Variants in ABLIM2 observed in about 807,000 individuals in gnomAD.
ABLIM2 encodes the protein actin-binding LIM protein 2.
Under a neutral mutation model 97.7 loss-of-function variants are expected in ABLIM2, and 53 were observed. That is an observed-to-expected ratio of 0.54 (90% confidence interval 0.44 to 0.68). The LOEUF is 0.68. ABLIM2 is among the 30% of genes least tolerant of loss of function. ABLIM2 has a pLI of 0.00. For missense variants in ABLIM2, 835 were observed against 867.2 expected (o/e 0.96, Z 0.47); for synonymous variants, 361 against 345.8 (o/e 1.04, Z -0.49).
chr4:7,988,111 TC>T (rs540951472), intron 17 of ABLIM2, among the ~76,000 whole-genome samples: 75 of 152,120 alleles, frequency 4.9e-4, no homozygotes, highest in African/African-American at 1.7e-3. Context: ...GCAACCTCCG[TC>T]CCTGGGTTCA....
rs1180853936 is a variant in ABLIM2 at position 8,120,991 on chromosome 4, T to C, written c.11-14354A>G. On this transcript the variant is annotated intron_variant, in intron 1 of 20. Transcript: ENST00000447017. The surrounding 1 kb of genome is among the most constrained non-coding windows in gnomAD (Gnocchi z 5.6). ...GTTTCTACTGAATGCATATTGTTTT[T>C]GCAACATTATAAAATCAAAAAACGA... Among the ~76,000 whole-genome samples the C allele has an allele frequency of 6.6e-6, 1 of 152,236 alleles. No homozygotes were observed. Among genetic ancestry groups the C allele is most frequent in the African/African-American group, 2.4e-5 (1 of 41,464 alleles).
At chr4:8,100,730 G>T (rs1236222862) in intron 2 of ABLIM2, among the ~76,000 whole-genome samples, 3 of 85,112 alleles carry the variant, frequency 3.5e-5, no homozygotes, top group African/African-American at 4.8e-5. Flanking sequence ...TGGGCAACAA[G>T]AATGAAACTC....
rs952076937 is a variant in ABLIM2 at position 8,112,915 on chromosome 4, C to T, written c.11-6278G>A. On this transcript the variant is annotated intron_variant, in intron 1 of 20. Coordinates refer to ENST00000447017, the MANE Select transcript of ABLIM2 (RefSeq NM_001130083.2). The surrounding 1 kb of genome is among the most constrained non-coding windows in gnomAD (Gnocchi z 4.2). ...TGTTCAACAGACACGGGAGCAGACG[C>T]ACTGTCAGGTACTGGGGAGAGAGGT... 3.9e-5 allele frequency among the ~76,000 whole-genome samples: 6 copies of T among 152,178 alleles called. No individual in the cohort carries two copies. Among genetic ancestry groups the T allele is most frequent in the African/African-American group, 1.4e-4 (6 of 41,442 alleles).
At chr4:8,057,116 T>A (rs1425657551) in intron 7 of ABLIM2, among the ~76,000 whole-genome samples, 4 of 136,736 alleles carry the variant, frequency 2.9e-5, no homozygotes, top group South Asian at 2.4e-4. Context: ...TTTTTTTTTT[T>A]AAGACAAAGT....
chr4:7,990,209 A>G (rs1276589372), intron 17 of ABLIM2, among the ~76,000 whole-genome samples: 1 of 152,008 alleles, frequency 6.6e-6, no homozygotes, highest in Non-Finnish European at 1.5e-5. Context: ...TGTAATATAT[A>G]TATTTTTTGA....
At position 8,059,440 on chromosome 4, in the gene ABLIM2, G is replaced by A. The variant is rs1041161986; in HGVS notation, c.763+1527C>T. On this transcript the variant is annotated intron_variant, in intron 7 of 20. Coordinates refer to ENST00000447017, the MANE Select transcript of ABLIM2 (RefSeq NM_001130083.2). ...CTCTCTGCACCAGGAAGATGAGGAT[G>A]ACCGGAAGTCCCTGGGTCTCTTCTC... is the stretch of plus-strand genomic sequence containing the variant. Among the ~76,000 whole-genome samples the A allele has an allele frequency of 2.0e-5, 3 of 152,090 alleles. No homozygotes were observed. The South Asian group carries it at 6.2e-4, about 32-fold the overall frequency.
intron 9 of ABLIM2, 81 bp downstream of exon 9, chr4:8,045,083 G>C: frequency 8.0e-7 from 1 of 1,245,508 alleles, no homozygotes; most frequent in South Asian, 1.2e-5. Context: ...CTCTCTTAGG[G>C]GTGGGCTTAG....
intron 15 of ABLIM2, among the ~76,000 whole-genome samples, chr4:8,008,798 C>T (rs746961268): frequency 1.3e-5 from 2 of 152,178 alleles, no homozygotes; most frequent in Non-Finnish European, 2.9e-5. Flanking sequence ...TTCCCTTTCA[C>T]GGTACACATC....
rs530011291 is a variant in ABLIM2 at position 8,127,377 on chromosome 4, C to T, written c.11-20740G>A. On this transcript the variant is annotated intron_variant, in intron 1 of 20. Transcript: ENST00000447017. The surrounding 1 kb of genome is among the most constrained non-coding windows in gnomAD (Gnocchi z 7.3). ...CTGCACCCACTGGCGCTCGTGGTGC[C>T]GGCGCTCATGACCTTCACGCAGGGC... Among the ~76,000 whole-genome samples the T allele has an allele frequency of 2.0e-3, 304 of 152,106 alleles. No individual in the cohort carries two copies. The highest frequency in any genetic ancestry group is 3.3e-3 in the Non-Finnish European group (225 of 68,024).
At chr4:8,014,700 T>C (rs1767604728) in intron 14 of ABLIM2, among the ~76,000 whole-genome samples, 2 of 152,196 alleles carry the variant, frequency 1.3e-5, no homozygotes, top group African/African-American at 4.8e-5. Flanking sequence ...AAAACATCCC[T>C]TGGACAAATT....
At chr4:8,110,023 A>G (rs1839523257) in intron 1 of ABLIM2, among the ~76,000 whole-genome samples, 1 of 152,234 alleles carries the variant, frequency 6.6e-6, no homozygotes. Flanking sequence ...CTGGGCTGGA[A>G]TCGAAGCCTC....
chr4:8,109,359 C>A (rs988801476), intron 1 of ABLIM2, among the ~76,000 whole-genome samples: 1 of 152,254 alleles, frequency 6.6e-6, no homozygotes, highest in African/African-American at 2.4e-5. Flanking sequence ...GAGGGCTAAG[C>A]GTATTCACGC....
In ABLIM2 at chr4:7,975,985, C is replaced by G. The variant is rs114100618; in HGVS notation, c.1824+7279G>C. Among the ~76,000 whole-genome samples, 1,504 of 152,274 alleles carry G rather than the reference C, an allele frequency of 9.9e-3. 27 individuals carry two copies. The highest frequency in any genetic ancestry group is 0.035 in the African/African-American group (1,435 of 41,568). On this transcript the variant is annotated intron_variant, in intron 20 of 20. Coordinates refer to ENST00000447017, the MANE Select transcript of ABLIM2 (RefSeq NM_001130083.2). ...TAGCTCAATCGTGTTCAGGCAAAGT[C>G]CCCATGCCCTCACCTTTCCCACCAG...
rs192980261 is a variant in ABLIM2, at chr4:8,069,033, G to A, written c.676-7979C>T. Among the ~76,000 whole-genome samples the A allele has an allele frequency of 1.6e-4, 24 of 152,384 alleles. No individual in the cohort carries two copies. Among genetic ancestry groups the A allele is most frequent in the African/African-American group, 5.5e-4 (23 of 41,598 alleles). On this transcript the variant is annotated intron_variant, in intron 6 of 20. Coordinates refer to ENST00000447017, the MANE Select transcript of ABLIM2 (RefSeq NM_001130083.2). The surrounding 1 kb of genome is among the most constrained non-coding windows in gnomAD (Gnocchi z 4.2). Reference sequence around the variant, plus strand: ...TGAGCAGTGCCCAGCAAGGCCCCTTGAGATCTGGGCCCTCCCCAGACCTTC... The same window carrying A: ...TGAGCAGTGCCCAGCAAGGCCCCTTAAGATCTGGGCCCTCCCCAGACCTTC...
rs934801454 is a variant in ABLIM2 at position 7,999,288 on chromosome 4, C to T, written c.1619-6361G>A. 6.6e-6 allele frequency among the ~76,000 whole-genome samples: 1 copy of T among 152,068 alleles called. No homozygotes were observed. Among genetic ancestry groups the T allele is most frequent in the Non-Finnish European group, 1.5e-5 (1 of 68,034 alleles). Reference sequence around the variant, plus strand: ...TGGTCAGGCTATCTCGAACTCCCGACCTCAGGTGATCTGCCTGCCTCGGCC... The same window carrying T: ...TGGTCAGGCTATCTCGAACTCCCGATCTCAGGTGATCTGCCTGCCTCGGCC... On this transcript the variant is annotated intron_variant, in intron 16 of 20. Transcript: ENST00000447017. The surrounding 1 kb of genome is among the most constrained non-coding windows in gnomAD (Gnocchi z 4.4).
rs545868903 is a variant in ABLIM2, at chr4:8,071,562, A to G, written c.675+6066T>C. On this transcript the variant is annotated intron_variant, in intron 6 of 20. Transcript: ENST00000447017. This position sits in a 1 kb window ranked among gnomAD's most constrained non-coding sequence, Gnocchi z 6.2. ...AGGCGAGGGCTCGGCTGGCAGTGGG[A>G]GCCTGGGATGCTCTGTGCTTGGGTC... 2.6e-5 allele frequency among the ~76,000 whole-genome samples: 4 copies of G among 152,064 alleles called. No individual in the cohort carries two copies. In the South Asian group the frequency reaches 8.3e-4, roughly 32 times the overall value.
intron 2 of ABLIM2, among the ~76,000 whole-genome samples, chr4:8,097,713 C>G (rs960602396): frequency 6.6e-6 from 1 of 152,178 alleles, no homozygotes; most frequent in African/African-American, 2.4e-5. Context: ...GTGCTAGACT[C>G]TGTGCTGGGG....
intron 20 of ABLIM2, among the ~76,000 whole-genome samples, chr4:7,973,092 T>TGTGTGTGTGTGTGTGTGTGTGTGTGC (rs1729539923): frequency 6.7e-6 from 1 of 150,280 alleles, no homozygotes. Context: ...TGTGTGTGTG[T>TGTGTGTGTGTGTGTGTGTGTGTGTGC]GTGTGTGTGT....
chr4:8,007,085 C>T, intron 16 of ABLIM2: 3 of 985,476 alleles, frequency 3.0e-6, no homozygotes, highest in Non-Finnish European at 3.6e-6. Context: ...TGTCTTCACT[C>T]TTTCCTGTCA....
Sources: allele counts gnomAD v4.1 joint callset (sites outside exome capture counted in the v4.1 genomes callset), GRCh38; gene constraint gnomAD v4.1.1; non-coding constraint Gnocchi (gnomAD v3.1); transcripts MANE v1.5; gene names NCBI Gene and HGNC (gene_info 2026-07-23, HGNC 2026-07-21).